GPC6: variants seen among roughly 807,000 people sequenced by gnomAD.
GPC6 encodes the protein glypican-6.
A neutral mutation model predicts 55.2 loss-of-function variants in GPC6; 14 were observed. The observed-to-expected ratio is 0.25, with a 90% CI of 0.17 to 0.40. The LOEUF (loss-of-function observed/expected upper bound fraction) is 0.40. Among genes scored for constraint, GPC6 ranks in the 10% least tolerant of loss-of-function variants. GPC6 has a pLI of 1.00. For missense variants in GPC6, 641 were observed against 708.5 expected (o/e 0.90, Z 1.08); for synonymous variants, 278 against 259.6 (o/e 1.07, Z -0.68).
chr13:93,593,562 G>C (rs1443859053), intron 2 of GPC6, among the ~76,000 whole-genome samples: 8 of 152,196 alleles, frequency 5.3e-5, no homozygotes, highest in Non-Finnish European at 1.5e-5. Flanking sequence ...GATCTAGTTT[G>C]ATAAAAGTGC....
intron 3 of GPC6, among the ~76,000 whole-genome samples, chr13:93,915,353 T>C (rs1369287447): frequency 6.6e-6 from 1 of 152,206 alleles, no homozygotes; most frequent in Non-Finnish European, 1.5e-5. Context: ...AGAATGAATA[T>C]TGTGGGACAC....
At position 93,625,618 on chromosome 13, in the gene GPC6, C is replaced by G. The variant is rs145179248; in HGVS notation, c.319+80197C>G. On this transcript the variant is annotated intron_variant, in intron 2 of 8. Coordinates refer to ENST00000377047, the MANE Select transcript of GPC6 (RefSeq NM_005708.5). ...GTGAGAGATGCCCTCCCTCTCTTCT[C>G]CACTGTGCAGTCTAGCAGTTTGGCT... Among the ~76,000 whole-genome samples, 760 of 152,266 alleles carry G rather than the reference C, an allele frequency of 5.0e-3. 4 individuals carry two copies. The highest frequency in any genetic ancestry group is 8.8e-3 in the Non-Finnish European group (599 of 68,024).
intron 1 of GPC6, among the ~76,000 whole-genome samples, chr13:93,438,981 T>G (rs917307840): frequency 1.3e-5 from 2 of 152,108 alleles, no homozygotes; most frequent in Non-Finnish European, 2.9e-5. Flanking sequence ...TGAAGCAAGA[T>G]TTTCCACCAG....
At chr13:94,143,837 G>C (rs2138884326) in intron 4 of GPC6, among the ~76,000 whole-genome samples, 1 of 152,250 alleles carries the variant, frequency 6.6e-6, no homozygotes, top group East Asian at 1.9e-4. Context: ...GCTGCAGTTA[G>C]CCATGATCAC....
chr13:93,545,424 A>C lies in GPC6; in HGVS notation c.319+3A>C. ...GTCCAGGCATAAGAAATTTGACGGT[A>C]GGTGAAATGGTTTTCACTTCAGTTT... On this transcript the variant is annotated splice_donor_region_variant and intron_variant, in intron 2 of 8. Coordinates refer to ENST00000377047, the MANE Select transcript of GPC6 (RefSeq NM_005708.5). 6.2e-7 allele frequency: 1 copy of C among 1,612,466 alleles called. No homozygotes were observed. Among genetic ancestry groups the C allele is most frequent in the African/African-American group, 1.3e-5 (1 of 75,030 alleles).
At chr13:93,539,368 GA>G (rs1882194207) in intron 1 of GPC6, among the ~76,000 whole-genome samples, 1 of 152,046 alleles carries the variant, frequency 6.6e-6, no homozygotes, top group African/African-American at 2.4e-5. Context: ...AGATGATCGG[GA>G]ATACCCTTGT....
chr13:93,698,618 T>C (rs543005690), intron 2 of GPC6, among the ~76,000 whole-genome samples: 9 of 151,794 alleles, frequency 5.9e-5, no homozygotes, highest in African/African-American at 1.9e-4. Context: ...AGTAACCTTG[T>C]ACATTTCTGA....
chr13:93,805,001 C>T (rs776950814), intron 2 of GPC6, among the ~76,000 whole-genome samples: 15 of 152,178 alleles, frequency 9.9e-5, no homozygotes, highest in South Asian at 2.1e-4. Flanking sequence ...AAAGTTATTA[C>T]ATGTGACATT....
At chr13:93,525,187 G>A (rs1203085284) in intron 1 of GPC6, among the ~76,000 whole-genome samples, 1 of 151,996 alleles carries the variant, frequency 6.6e-6, no homozygotes, top group Non-Finnish European at 1.5e-5. Context: ...GAGAAGAAAA[G>A]AGAATTTACT....
At chr13:93,899,892 C>T (rs1367483880) in intron 3 of GPC6, among the ~76,000 whole-genome samples, 2 of 152,126 alleles carry the variant, frequency 1.3e-5, no homozygotes, top group Non-Finnish European at 2.9e-5. Context: ...GCTTTAAAAA[C>T]ATGTTTCCGA....
chr13:93,505,458 G>C (rs549514751), intron 1 of GPC6, among the ~76,000 whole-genome samples: 203 of 147,950 alleles, frequency 1.4e-3, no homozygotes, highest in African/African-American at 4.8e-3. Context: ...CACAGAGACA[G>C]AGAGAGAGAG....
intron 1 of GPC6, among the ~76,000 whole-genome samples, chr13:93,320,063 T>C (rs1454039816): frequency 6.6e-6 from 1 of 152,120 alleles, no homozygotes. Flanking sequence ...GTGATTTTAA[T>C]GTTGGAGAAT....
intron 1 of GPC6, among the ~76,000 whole-genome samples, chr13:93,481,201 T>G (rs1378467543): frequency 6.6e-6 from 1 of 152,204 alleles, no homozygotes; most frequent in East Asian, 1.9e-4. Context: ...ATTTTGAGCA[T>G]TAGCTCTTTG....
intron 2 of GPC6, among the ~76,000 whole-genome samples, chr13:93,648,899 G>A (rs1038890301): frequency 1.6e-4 from 24 of 152,048 alleles, no homozygotes; most frequent in African/African-American, 5.6e-4. Flanking sequence ...ATTGCCAAAA[G>A]GTGTAGTACA....
At chr13:93,641,764 TA>T (rs1190134459) in intron 2 of GPC6, among the ~76,000 whole-genome samples, 1 of 152,034 alleles carries the variant, frequency 6.6e-6, no homozygotes, top group Non-Finnish European at 1.5e-5. Context: ...TTGCATTTTA[TA>T]AAGGAAAACA....
chr13:94,221,469 C>A (rs1320900408), intron 4 of GPC6, among the ~76,000 whole-genome samples: 5 of 152,058 alleles, frequency 3.3e-5, no homozygotes, highest in Non-Finnish European at 7.4e-5. Context: ...ACACTTAAAT[C>A]AGAAATCACT....
chr13:94,166,308 A>G (rs1266434630), intron 4 of GPC6, among the ~76,000 whole-genome samples: 1 of 152,208 alleles, frequency 6.6e-6, no homozygotes, highest in African/African-American at 2.4e-5. Context: ...ATTTTAAAAA[A>G]TGTTCGTATT....
intron 1 of GPC6, among the ~76,000 whole-genome samples, chr13:93,543,180 T>G (rs990957479): frequency 2.0e-5 from 3 of 152,148 alleles, no homozygotes; most frequent in African/African-American, 7.2e-5. Context: ...TAGCTCTTAT[T>G]ATTTTGAGAT....
At chr13:93,957,731 A>G (rs79559565) in intron 3 of GPC6, among the ~76,000 whole-genome samples, 1 of 152,196 alleles carries the variant, frequency 6.6e-6, no homozygotes, top group Non-Finnish European at 1.5e-5. Context: ...TCCTTTGAGT[A>G]TATACACAGT....
Sources: gnomAD v4.1 joint callset for allele counts (sites outside exome capture counted in the v4.1 genomes callset) on GRCh38, gnomAD v4.1.1 for gene constraint, MANE v1.5 for transcripts, NCBI Gene and HGNC (gene_info 2026-07-23, HGNC 2026-07-21) for gene names.